Variants in UGT1A4 observed in about 807,000 individuals in gnomAD.
UGT1A4 encodes UDP-glucuronosyltransferase 1A4.
In UGT1A4, 32 loss-of-function variants were observed where a neutral mutation model predicts 41.1. That is an observed-to-expected ratio of 0.78 (90% CI 0.59 to 1.05). The LOEUF is 1.05. Among genes scored for constraint, UGT1A4 ranks in the 50% least tolerant of loss-of-function variants. UGT1A4 has a pLI of 0.00. For missense variants in UGT1A4, 748 were observed against 677.4 expected (o/e 1.10, Z -1.16); for synonymous variants, 283 against 265.1 (o/e 1.07, Z -0.66).
Position 233,720,581 on chromosome 2 carries a change from A to G in UGT1A4, c.867+894A>G, listed in dbSNP as rs181667359. On this transcript the variant is annotated intron_variant, in intron 1 of 4. Transcript: ENST00000373409. ...AGTGGGATCTATTCTTTTTCCAAAA[A>G]TTTCAGAGGTGACTTTCATTAATAC... Among the ~76,000 whole-genome samples, 178 of 152,248 alleles carry G rather than the reference A, an allele frequency of 1.2e-3. 1 individual carries two copies. The highest frequency in any genetic ancestry group is 5.3e-3 in the Admixed American group (81 of 15,296).
At chr2:233,739,607 G>C (rs1198320819) in intron 1 of UGT1A4, among the ~76,000 whole-genome samples, 2 of 152,134 alleles carry the variant, frequency 1.3e-5, no homozygotes, top group Non-Finnish European at 2.9e-5. Context: ...CCTTTGTTTT[G>C]GCCAGTTTCT....
At chr2:233,758,329 G>C (rs544542552) in intron 1 of UGT1A4, among the ~76,000 whole-genome samples, 16 of 152,342 alleles carry the variant, frequency 1.1e-4, no homozygotes, top group Non-Finnish European at 2.1e-4. Context: ...GCCTCAAAAA[G>C]CTTGGAAGCT....
At chr2:233,755,437 G>A (rs558010225) in intron 1 of UGT1A4, 20 of 316,674 alleles carry the variant, frequency 6.3e-5, no homozygotes, top group East Asian at 5.9e-4. Flanking sequence ...ATCCCAAGAT[G>A]CAGTGCTCCT....
At chr2:233,748,014 C>A in intron 1 of UGT1A4, 1 of 1,613,488 alleles carries the variant, frequency 6.2e-7, no homozygotes, top group Non-Finnish European at 8.5e-7. Flanking sequence ...TTACCCCAGG[C>A]CGATCATGCC....
intron 1 of UGT1A4, among the ~76,000 whole-genome samples, chr2:233,758,983 C>T (rs544214589): frequency 1.3e-5 from 2 of 152,264 alleles, no homozygotes; most frequent in South Asian, 4.2e-4. Context: ...GATCTTGGGC[C>T]AGTGGAATGA....
intron 2 of UGT1A4, 93 bp downstream of exon 2, chr2:233,767,258 C>T (rs1454742513): frequency 1.3e-6 from 2 of 1,592,782 alleles, no homozygotes; most frequent in African/African-American, 1.3e-5. Context: ...TTAATTGGAA[C>T]CTTAGATTTG....
At chr2:233,753,689 A>C (rs1483181557) in intron 1 of UGT1A4, 1 of 152,256 alleles carries the variant, frequency 6.6e-6, no homozygotes, top group African/African-American at 2.4e-5. Flanking sequence ...AAACAATATT[A>C]CAGATGCACT....
intron 1 of UGT1A4, chr2:233,747,689 A>C (rs552388790): frequency 3.7e-6 from 6 of 1,609,664 alleles, no homozygotes; most frequent in Non-Finnish European, 5.1e-6. Flanking sequence ...TCTGTGGGGC[A>C]GTGCTGGCTA....
chr2:233,762,402 T>A (rs1251958312), intron 1 of UGT1A4, among the ~76,000 whole-genome samples: 1 of 152,262 alleles, frequency 6.6e-6, no homozygotes, highest in Non-Finnish European at 1.5e-5. Flanking sequence ...TAAAATTTTT[T>A]GGTTGCTTTT....
chr2:233,758,503 A>C (rs1293377688), intron 1 of UGT1A4, among the ~76,000 whole-genome samples: 1 of 152,234 alleles, frequency 6.6e-6, no homozygotes, highest in Non-Finnish European at 1.5e-5. Context: ...AATTTCTAAT[A>C]AGGACACAAC....
In UGT1A4 at chr2:233,718,849, C is replaced by T. The variant is rs199761544; in HGVS notation, c.29C>T (p.Pro10Leu). 4.0e-5 allele frequency: 64 copies of T among 1,613,712 alleles called. No homozygotes were observed. The highest frequency in any genetic ancestry group is 1.6e-4 in the South Asian group (15 of 91,046). ...GCCAGAGGACTCCAGGTTCCCCTGCCGCGGCTGGCCACAGGACTGCTGCTC... is the reference window on the plus strand; with the variant it reads ...GCCAGAGGACTCCAGGTTCCCCTGCTGCGGCTGGCCACAGGACTGCTGCTC... MARGLQVPL[P>L]RLATGLLLLL... The change falls in exon 1 of 5, where the codon CCG (proline) becomes CTG (leucine). Residue 10 changes from proline to leucine, a missense_variant. Coordinates refer to ENST00000373409, the MANE Select transcript of UGT1A4 (RefSeq NM_007120.3).
At chr2:233,755,343 G>C (rs1398050139) in intron 1 of UGT1A4, 2 of 413,026 alleles carry the variant, frequency 4.8e-6, no homozygotes, top group Non-Finnish European at 8.6e-6. Flanking sequence ...GCACAGGTCA[G>C]AGGCTTGGCG....
intron 1 of UGT1A4, among the ~76,000 whole-genome samples, chr2:233,731,794 A>G (rs1329897659): frequency 6.6e-6 from 1 of 152,192 alleles, no homozygotes; most frequent in African/African-American, 2.4e-5. Context: ...GTTTGGGTAT[A>G]TACCCAGTAA....
At position 233,765,603 on chromosome 2, in the gene UGT1A4, T is replaced by C. The variant is rs376691829; in HGVS notation, c.868-1431T>C. ...GGGGAACAACACACACCAGGGCTTG[T>C]GGCGGGGTGAGGGGTGAGGGGAGGA... On this transcript the variant is annotated intron_variant, in intron 1 of 4. Coordinates refer to ENST00000373409, the MANE Select transcript of UGT1A4 (RefSeq NM_007120.3). Among the ~76,000 whole-genome samples, 8 of 151,018 alleles carry C rather than the reference T, an allele frequency of 5.3e-5. No individual in the cohort carries two copies. In the East Asian group the frequency reaches 5.8e-4, roughly 11 times the overall value.
Position 233,718,919 on chromosome 2 carries a change from G to A in UGT1A4, c.99G>A (p.Val33=). 1 of 1,614,102 alleles carries A rather than the reference G, an allele frequency of 6.2e-7. No homozygotes were observed. Residue 33 remains valine, a synonymous_variant, in exon 1 of 5, where the codon GTG becomes GTA. Coordinates refer to ENST00000373409, the MANE Select transcript of UGT1A4 (RefSeq NM_007120.3). ...QPWAESGKVL[V]VPTDGSPWLS... is the part of the protein sequence containing the mutation. ...GGGCTGAGAGTGGAAAGGTGTTGGT[G>A]GTGCCCACTGATGGCAGCCCCTGGC...
In UGT1A4 at chr2:233,743,774, T is replaced by G. The variant is rs370785747; in HGVS notation, c.868-23260T>G. On this transcript the variant is annotated intron_variant, in intron 1 of 4. Transcript: ENST00000373409. ...CAACACCTCGTAGGCCTCGGCCACC[T>G]GCTTGAATCTCCTCTCCGCTTCCTC... 2.2e-6 allele frequency: 3 copies of G among 1,367,230 alleles called. No homozygotes were observed. The African/African-American group carries it at 4.4e-5, about 20-fold the overall frequency. 84.7% of individuals were successfully genotyped at this position (1,367,230 alleles called of 1,614,324 possible).
intron 1 of UGT1A4, among the ~76,000 whole-genome samples, chr2:233,763,058 A>G (rs1698227162): frequency 6.6e-6 from 1 of 152,176 alleles, no homozygotes. Context: ...ATTGATTTAG[A>G]TAATTTCCTT....
intron 1 of UGT1A4, among the ~76,000 whole-genome samples, chr2:233,734,004 T>A (rs2078466874): frequency 6.6e-6 from 1 of 151,924 alleles, no homozygotes; most frequent in South Asian, 2.1e-4. Context: ...ATACCTAATG[T>A]TAAATGACGA....
chr2:233,718,950 A>C lies in UGT1A4; in HGVS notation c.130A>C (p.Met44Leu). 2 of 1,614,178 alleles carry C rather than the reference A, an allele frequency of 1.2e-6. No homozygotes were observed. The highest frequency in any genetic ancestry group is 2.2e-5 in the South Asian group (2 of 91,080). The change falls in exon 1 of 5, where the codon ATG (methionine) becomes CTG (leucine). Residue 44 changes from methionine to leucine, a missense_variant. Transcript: ENST00000373409. ...CACTGATGGCAGCCCCTGGCTCAGC[A>C]TGCGGGAGGCCTTGCGGGAGCTCCA... Reference protein sequence around the residue: ...VPTDGSPWLSMREALRELHAR... With the variant: ...VPTDGSPWLSLREALRELHAR...
Sources: allele counts gnomAD v4.1 joint callset (sites outside exome capture counted in the v4.1 genomes callset), GRCh38; gene constraint gnomAD v4.1.1; transcripts MANE v1.5; gene names NCBI Gene and HGNC (gene_info 2026-07-23, HGNC 2026-07-21).